GPM6B: variants seen among roughly 807,000 people sequenced by gnomAD.
GPM6B encodes the protein glycoprotein M6B.
In GPM6B, 4 loss-of-function variants were observed where a neutral mutation model predicts 27.2. The observed-to-expected ratio is 0.15, with a 90% CI of 0.07 to 0.34. The LOEUF (loss-of-function observed/expected upper bound fraction) is 0.34, where lower values mean the gene tolerates loss of function less well. Ranked by LOEUF, GPM6B falls within the 10% of genes least tolerant of loss-of-function variation. The probability of loss-of-function intolerance (pLI) is 1.00; values close to 1 mark genes in which losing one functional copy is unlikely to be tolerated. For missense variants in GPM6B, 183 were observed against 261.9 expected, an observed-to-expected ratio of 0.70 and a Z score of 2.08; for synonymous variants, 124 against 103.1, an observed-to-expected ratio of 1.20 and a Z score of -1.23.
At chrX:13,808,945 T>G (rs1335157071) in intron 1 of GPM6B, among the ~76,000 whole-genome samples, 1 of 112,170 alleles carries the variant, frequency 8.9e-6, no homozygotes, top group Non-Finnish European at 1.9e-5. Context: ...TATACATAAC[T>G]CATTTAAAAC....
chrX:13,816,130 G>T (rs775800472), intron 1 of GPM6B, among the ~76,000 whole-genome samples: 8 of 111,716 alleles, frequency 7.2e-5, no homozygotes, highest in Non-Finnish European at 1.5e-4. Context: ...TTTTCTTACT[G>T]CAAAAACACT....
At chrX:13,787,815 G>T (rs770106172) in intron 2 of GPM6B, among the ~76,000 whole-genome samples, 2 of 111,645 alleles carry the variant, frequency 1.8e-5, no homozygotes, top group Admixed American at 9.5e-5. Context: ...CATGGGTATT[G>T]TATCATCCAC....
intron 1 of GPM6B, among the ~76,000 whole-genome samples, chrX:13,923,812 G>A (rs1241555437): frequency 8.9e-6 from 1 of 111,843 alleles, no homozygotes; most frequent in Non-Finnish European, 1.9e-5. Flanking sequence ...TTGTAATGGT[G>A]CACATCAAGT....
chrX:13,924,621 G>A (rs1251705640), intron 1 of GPM6B, among the ~76,000 whole-genome samples: 1 of 111,884 alleles, frequency 8.9e-6, no homozygotes, highest in African/African-American at 3.2e-5. Context: ...TCAACGGAAG[G>A]ATATTCCAAT....
At chrX:13,920,076 C>A (rs1009132501) in intron 1 of GPM6B, among the ~76,000 whole-genome samples, 3 of 109,186 alleles carry the variant, frequency 2.7e-5, no homozygotes, top group Non-Finnish European at 5.7e-5. Flanking sequence ...CCAGCCCGGC[C>A]AACATGGTGA....
At chrX:13,873,684 C>G (rs1318978420) in intron 1 of GPM6B, among the ~76,000 whole-genome samples, 1 of 111,379 alleles carries the variant, frequency 9.0e-6, no homozygotes, top group Non-Finnish European at 1.9e-5. Flanking sequence ...TATGGTAAGC[C>G]CTCCAGTGAC....
At chrX:13,929,462 A>AC (rs1218553632) in intron 1 of GPM6B, among the ~76,000 whole-genome samples, 1 of 111,710 alleles carries the variant, frequency 9.0e-6, no homozygotes, top group African/African-American at 3.3e-5. Context: ...TCAACTAAAA[A>AC]AAACCAAGCA....
intron 1 of GPM6B, among the ~76,000 whole-genome samples, chrX:13,838,206 G>A (rs1053215104): frequency 5.4e-5 from 6 of 111,089 alleles, no homozygotes; most frequent in East Asian, 2.8e-4. Context: ...CACTTCATGC[G>A]TACCTTTCTC....
intron 1 of GPM6B, among the ~76,000 whole-genome samples, chrX:13,841,067 A>G (rs1408085333): frequency 2.7e-5 from 3 of 112,521 alleles, no homozygotes. Flanking sequence ...TTCATATATG[A>G]ATAAACATAT....
chrX:13,817,650 T>C (rs2049261580), upstream of GPM6B, among the ~76,000 whole-genome samples: 1 of 112,509 alleles, frequency 8.9e-6, no homozygotes, highest in Admixed American at 9.4e-5. Context: ...TTTCATACAA[T>C]TTCTAGATAA....
chrX:13,837,107 G>C (rs912104663), intron 1 of GPM6B, among the ~76,000 whole-genome samples: 4 of 112,150 alleles, frequency 3.6e-5, no homozygotes, highest in African/African-American at 1.3e-4. Flanking sequence ...TCCGGCAAGA[G>C]AGCCAACTGA....
Position 13,879,607 on chromosome X carries a change from G to A in GPM6B, c.-198+58720C>T, listed in dbSNP as rs189273209. Among the ~76,000 whole-genome samples, 1,079 of 112,206 alleles carry A rather than the reference G, an allele frequency of 9.6e-3. 14 individuals are homozygous for A. Among genetic ancestry groups the A allele is most frequent in the African/African-American group, 0.033 (1,029 of 30,911 alleles). ...AACATGAATAGCTTCAAACACAAAA[G>A]GCGTGGTTCAAACACTTGATTCCAA... On this transcript the variant is annotated intron_variant, in intron 1 of 6. Coordinates refer to the GPM6B transcript ENST00000398361.
chrX:13,879,062 C>T (rs1272822775), intron 1 of GPM6B, among the ~76,000 whole-genome samples: 1 of 112,101 alleles, frequency 8.9e-6, no homozygotes, highest in Non-Finnish European at 1.9e-5. Flanking sequence ...TTTTAAGCCA[C>T]TAAATTTGTG....
intron 1 of GPM6B, among the ~76,000 whole-genome samples, chrX:13,890,444 T>G (rs190746384): frequency 1.7e-4 from 19 of 111,897 alleles, no homozygotes; most frequent in African/African-American, 6.2e-4. Flanking sequence ...GGACTCGCCC[T>G]GAATTCTTTC....
intron 1 of GPM6B, among the ~76,000 whole-genome samples, chrX:13,862,354 G>A (rs1336677835): frequency 2.7e-5 from 3 of 111,704 alleles, no homozygotes; most frequent in Non-Finnish European, 5.6e-5. Flanking sequence ...GATCATTCAC[G>A]TGCCTGAGTT....
At chrX:13,924,440 A>C (rs1356553216) in intron 1 of GPM6B, among the ~76,000 whole-genome samples, 1 of 110,601 alleles carries the variant, frequency 9.0e-6, no homozygotes, top group African/African-American at 3.3e-5. Flanking sequence ...ACTGGGACTA[A>C]AGGTGCGTAT....
chrX:13,814,277 G>A (rs997387196), intron 1 of GPM6B, among the ~76,000 whole-genome samples: 1 of 111,684 alleles, frequency 9.0e-6, no homozygotes, highest in Non-Finnish European at 1.9e-5. Flanking sequence ...TTAGCCATTG[G>A]GCAATAATGC....
intron 1 of GPM6B, among the ~76,000 whole-genome samples, chrX:13,843,355 T>G (rs150200057): frequency 3.6e-5 from 4 of 112,415 alleles, no homozygotes; most frequent in Non-Finnish European, 1.9e-5. Context: ...TGATGGACAT[T>G]TGAGTTGTTT....
chrX:13,902,155 A>T (rs1275257158), intron 1 of GPM6B, among the ~76,000 whole-genome samples: 1 of 111,700 alleles, frequency 9.0e-6, no homozygotes, highest in African/African-American at 3.3e-5. Context: ...ATCTTCTTTA[A>T]CAAAAATCCT....
Sources: gnomAD v4.1 joint callset for allele counts (sites outside exome capture counted in the v4.1 genomes callset) on GRCh38, gnomAD v4.1.1 for gene constraint, MANE v1.5 for transcripts, NCBI Gene and HGNC (gene_info 2026-07-23, HGNC 2026-07-21) for gene names.